Variants in ACSM2B observed in about 807,000 individuals in gnomAD.
ACSM2B encodes acyl-CoA synthetase medium chain family member 2B.
Under a neutral mutation model 78.6 loss-of-function variants are expected in ACSM2B, and 58 were observed. That is an observed-to-expected ratio of 0.74 (90% CI 0.60 to 0.92). The LOEUF is 0.92. ACSM2B is among the 40% of genes least tolerant of loss of function. The pLI is 0.00. For synonymous variants in ACSM2B, 257 were observed against 256.8 expected, an observed-to-expected ratio of 1.00 and a Z score of -0.01; for missense variants, 688 against 711.2, an observed-to-expected ratio of 0.97 and a Z score of 0.37.
chr16:20,546,367 C>T (rs1567207251), intron 9 of ACSM2B, 27 bp downstream of exon 9: 3 of 1,575,896 alleles, frequency 1.9e-6, no homozygotes, highest in East Asian at 2.3e-5. Context: ...CCCCTAACTT[C>T]CTCCCTCCTC....
At chr16:20,544,762 A>T (rs1448514942) in intron 10 of ACSM2B, 1 of 986,620 alleles carries the variant, frequency 1.0e-6, no homozygotes, top group African/African-American at 1.7e-5. Context: ...GTGAAGTCTC[A>T]ACGTAAAGTG....
intron 6 of ACSM2B, chr16:20,549,515 A>G (rs2015239732): frequency 5.1e-6 from 1 of 197,618 alleles, no homozygotes; most frequent in Admixed American, 5.7e-5. Flanking sequence ...TAATCCATTA[A>G]TCCCTCATGA....
chr16:20,559,166 G>A (rs1168602201), intron 3 of ACSM2B, 71 bp downstream of exon 3: 7 of 1,494,746 alleles, frequency 4.7e-6, no homozygotes, highest in African/African-American at 2.8e-5. Flanking sequence ...TGAGAGAGGT[G>A]GCTGCATTTC....
chr16:20,567,029 A>G (rs898296157), intron 1 of ACSM2B, among the ~76,000 whole-genome samples: 1 of 130,690 alleles, frequency 7.7e-6, no homozygotes, highest in African/African-American at 2.8e-5. Context: ...TTATATCTAT[A>G]AATTCACTCA....
rs773501880 is a variant in ACSM2B at position 20,540,752 on chromosome 16, G to A, written c.1531C>T (p.Leu511=). The change falls in exon 13 of 14, where the codon CTG becomes TTG. Residue 511 remains leucine, a synonymous_variant. Coordinates refer to ENST00000329697, the MANE Select transcript of ACSM2B (RefSeq NM_001105069.2). ...TCATGGGATAGGAACTGCGAGGCCA[G>A]GATCACAAATGCCTTCACCACCTGC... ...RGEVVKAFVI[L]ASQFLSHDPE... 24 of 1,613,956 alleles carry A rather than the reference G, an allele frequency of 1.5e-5. No homozygotes were observed. The highest frequency in any genetic ancestry group is 1.6e-4 in the Middle Eastern group (1 of 6,082).
chr16:20,568,804 T>C (rs748166174), intron 1 of ACSM2B, among the ~76,000 whole-genome samples: 1 of 151,978 alleles, frequency 6.6e-6, no homozygotes, highest in Non-Finnish European at 1.5e-5. Context: ...TGATTTGCAT[T>C]TCCCTGATCA....
At position 20,540,716 on chromosome 16, in the gene ACSM2B, G is replaced by T; in HGVS notation, c.1567C>A (p.Leu523Ile). ...SQFLSHDPEQ[L>I]TKELQQHVKS... ...ACATGCTGCTGCAGCTCCTTGGTGA[G>T]CTGTTCTGGGTCATGGGATAGGAAC... is the stretch of plus-strand genomic sequence containing the variant. The change falls in exon 13 of 14, where the codon CTC (leucine) becomes ATC (isoleucine). Residue 523 changes from leucine to isoleucine, a missense_variant. Transcript: ENST00000329697. The T allele has an allele frequency of 1.2e-6, 2 of 1,614,152 alleles. No individual in the cohort carries two copies. The highest frequency in any genetic ancestry group is 1.7e-6 in the Non-Finnish European group (2 of 1,180,004).
At chr16:20,574,776 A>C (rs2016198211) in intron 1 of ACSM2B, 1 of 150,630 alleles carries the variant, frequency 6.6e-6, no homozygotes. Context: ...TTTTTCCACA[A>C]TTTCAGTTCT....
intron 2 of ACSM2B, among the ~76,000 whole-genome samples, chr16:20,560,394 T>C (rs1350565489): frequency 6.6e-6 from 1 of 151,982 alleles, no homozygotes; most frequent in African/African-American, 2.4e-5. Flanking sequence ...AATGAGATCA[T>C]AAGATCTGGT....
At chr16:20,546,579 G>A (rs1318457804) in intron 8 of ACSM2B, 105 bp from the exon 9 acceptor site, 19 of 1,449,002 alleles carry the variant, frequency 1.3e-5, no homozygotes, top group Non-Finnish European at 1.6e-5. Flanking sequence ...CCTGAACTTG[G>A]CCTGCACTTG....
intron 8 of ACSM2B, chr16:20,547,320 C>G (rs1213013806): frequency 1.0e-6 from 1 of 985,298 alleles, no homozygotes; most frequent in African/African-American, 1.7e-5. Flanking sequence ...TTCATATTTG[C>G]AGAGCTCTTC....
rs1303564246 is a variant in ACSM2B, at chr16:20,536,328, G to A, written c.*930C>T. On this transcript the variant is annotated 3_prime_UTR_variant, in exon 14 of 14. Transcript: ENST00000329697. ...GATAACACCAAAAACATGAGGTATG[G>A]GTAGCTGATAACTTTGGCAGTGCTT... 1.3e-5 allele frequency: 2 copies of A among 152,078 alleles called. No individual in the cohort carries two copies. The highest frequency in any genetic ancestry group is 2.4e-5 in the African/African-American group (1 of 41,400). 9.4% of individuals were successfully genotyped at this position (152,078 alleles called of 1,614,324 possible).
chr16:20,546,551 A>G, intron 8 of ACSM2B, 77 bp from the exon 9 acceptor site: 1 of 1,563,712 alleles, frequency 6.4e-7, no homozygotes, highest in Non-Finnish European at 8.7e-7. Context: ...ATTTCTGCAG[A>G]GCGGGTCCTG....
At chr16:20,568,280 T>C (rs1390749390) in intron 1 of ACSM2B, among the ~76,000 whole-genome samples, 1 of 144,908 alleles carries the variant, frequency 6.9e-6, no homozygotes, top group African/African-American at 2.5e-5. Context: ...ATAGTATATA[T>C]AGATATATAT....
At chr16:20,537,679 G>A (rs952254707) in intron 13 of ACSM2B, among the ~76,000 whole-genome samples, 11 of 152,198 alleles carry the variant, frequency 7.2e-5, no homozygotes, top group Non-Finnish European at 1.5e-4. Context: ...CAATCATCTG[G>A]CTTTCGCCAG....
chr16:20,558,700 CT>C (rs1276465133), intron 3 of ACSM2B, among the ~76,000 whole-genome samples: 5 of 152,118 alleles, frequency 3.3e-5, no homozygotes, highest in Non-Finnish European at 7.3e-5. Context: ...CATTGGCAAA[CT>C]TTTTCTGCAA....
Position 20,548,173 on chromosome 16 carries a change from G to T in ACSM2B, c.987C>A (p.Pro329=). Residue 329 remains proline (P), a synonymous_variant, in exon 8 of 14, where the codon CCC becomes CCA. Coordinates refer to ENST00000329697, the MANE Select transcript of ACSM2B (RefSeq NM_001105069.2). ...LQQDLSSYKF[P]HLQNCLAGGE... ...CTCCAGCGAGGCAGTTCTGTAGATG[G>T]GGGAACTTGTAACTGAAGAAGAGAA... 1 of 1,614,040 alleles carries T rather than the reference G, an allele frequency of 6.2e-7. No individual in the cohort carries two copies. Among genetic ancestry groups the T allele is most frequent in the Non-Finnish European group, 8.5e-7 (1 of 1,179,920 alleles).
chr16:20,553,985 A>G (rs2015394520), intron 4 of ACSM2B, 65 bp from the exon 5 acceptor site: 10 of 1,605,892 alleles, frequency 6.2e-6, no homozygotes, highest in Non-Finnish European at 7.6e-6. Context: ...AAAGTGACCC[A>G]TCTTTTCCCA....
intron 1 of ACSM2B, among the ~76,000 whole-genome samples, chr16:20,567,965 A>G (rs1198460999): frequency 7.0e-6 from 1 of 143,428 alleles, no homozygotes; most frequent in Non-Finnish European, 1.5e-5. Flanking sequence ...ATTTAAAAAT[A>G]TTTTATATAT....
Sources: gnomAD v4.1 joint callset for allele counts (sites outside exome capture counted in the v4.1 genomes callset) on GRCh38, gnomAD v4.1.1 for gene constraint, MANE v1.5 for transcripts, NCBI Gene and HGNC (gene_info 2026-07-23, HGNC 2026-07-21) for gene names.